The following PPP2R2D variants were observed in gnomAD, a reference collection of about 807,000 sequenced individuals.
PPP2R2D encodes protein phosphatase 2 regulatory subunit Bdelta.
PPP2R2D carries 9 observed loss-of-function variants against 31.1 expected under a neutral mutation model. That is an observed-to-expected ratio of 0.29 (90% CI 0.17 to 0.51). The LOEUF is 0.51. PPP2R2D is among the 20% of genes least tolerant of loss of function. The pLI is 0.98. For missense variants in PPP2R2D, 391 were observed against 465.6 expected (o/e 0.84, Z 1.48); for synonymous variants, 179 against 172.6 (o/e 1.04, Z -0.29).
At chr10:131,928,537 G>C (rs184795800) in intron 2 of PPP2R2D, among the ~76,000 whole-genome samples, 14 of 152,306 alleles carry the variant, frequency 9.2e-5, no homozygotes, top group Non-Finnish European at 1.5e-4. Context: ...GGTTTTTTCA[G>C]GCTGGTAATG....
intron 2 of PPP2R2D, among the ~76,000 whole-genome samples, chr10:131,931,475 G>A (rs1554895686): frequency 6.6e-6 from 1 of 152,190 alleles, no homozygotes; most frequent in East Asian, 1.9e-4. Flanking sequence ...AGCCTCCCGA[G>A]TAGCTGTGAT....
At chr10:131,904,446 C>G (rs929136401) in intron 2 of PPP2R2D, among the ~76,000 whole-genome samples, 128 of 143,396 alleles carry the variant, frequency 8.9e-4, no homozygotes, top group African/African-American at 3.2e-3. Context: ...GGAGGCAGAG[C>G]TTGCAGTGAG....
chr10:131,910,637 G>A (rs1264500803), intron 2 of PPP2R2D, among the ~76,000 whole-genome samples: 4 of 152,224 alleles, frequency 2.6e-5, no homozygotes, highest in Admixed American at 1.3e-4. Flanking sequence ...GTGTGATACT[G>A]TGGAATATGT....
intron 2 of PPP2R2D, among the ~76,000 whole-genome samples, chr10:131,914,571 C>A (rs1245309488): frequency 6.6e-6 from 1 of 152,152 alleles, no homozygotes; most frequent in South Asian, 2.1e-4. Flanking sequence ...AGTGATACAA[C>A]GTTGAAAACA....
chr10:131,918,037 G>A (rs112757183), intron 2 of PPP2R2D, among the ~76,000 whole-genome samples: 77 of 115,878 alleles, frequency 6.6e-4, no homozygotes, highest in African/African-American at 1.2e-3. Context: ...GACCTCAGGC[G>A]GGTGGGATGA....
chr10:131,961,258 C>G (rs1318244769), downstream of PPP2R2D, among the ~76,000 whole-genome samples: 1 of 152,218 alleles, frequency 6.6e-6, no homozygotes, highest in Admixed American at 6.5e-5. Context: ...CTGCCAAAGC[C>G]AAGTTCAGCA....
chr10:131,961,710 G>A (rs1042989806), downstream of PPP2R2D, among the ~76,000 whole-genome samples: 3 of 152,188 alleles, frequency 2.0e-5, no homozygotes, highest in African/African-American at 4.8e-5. Context: ...CTCACCTTCC[G>A]CCTTGTGTGC....
chr10:131,926,838 C>T (rs2036116318), intron 2 of PPP2R2D, among the ~76,000 whole-genome samples: 1 of 152,222 alleles, frequency 6.6e-6, no homozygotes, highest in Admixed American at 6.5e-5. Flanking sequence ...CTTGCCTCTG[C>T]CCAGCGTGTA....
At chr10:131,918,829 ACG>A (rs2035891872) in intron 2 of PPP2R2D, among the ~76,000 whole-genome samples, 1 of 139,728 alleles carries the variant, frequency 7.2e-6, no homozygotes, top group African/African-American at 2.7e-5. Context: ...TGGGGACCTC[ACG>A]GGGGTGGAAT....
intron 2 of PPP2R2D, among the ~76,000 whole-genome samples, chr10:131,920,922 A>G (rs1422565413): frequency 6.6e-6 from 1 of 152,152 alleles, no homozygotes; most frequent in African/African-American, 2.4e-5. Flanking sequence ...ACATAGCGAG[A>G]CCCTGTCTTT....
In PPP2R2D at chr10:131,955,803, G is replaced by A. The variant is rs782682369; in HGVS notation, c.1202G>A (p.Arg401Gln). 30 of 1,604,738 alleles carry A rather than the reference G, an allele frequency of 1.9e-5. No homozygotes were observed. In the South Asian group the frequency reaches 2.6e-4, roughly 14 times the overall value. Residue 401 changes from arginine (R) to glutamine (Q), a missense_variant, in exon 9 of 9, where the codon CGG (arginine) becomes CAG (glutamine). By Grantham distance (43) the Arg-to-Gln change is conservative (BLOSUM62 1). Around this residue, in one of 3 missense-constraint regions of PPP2R2D, gnomAD observed 163 missense variants for 179.5 expected, o/e 0.91. Transcript: ENST00000455566. ...AAACCGCGCGCCAGCCTCAAACCCC[G>A]GAAGGTGTGTACGGGGGGTAAGCGG... is the stretch of plus-strand genomic sequence containing the variant. ...SSKPRASLKP[R>Q]KVCTGGKRRK... is the part of the protein sequence containing the mutation.
intron 2 of PPP2R2D, among the ~76,000 whole-genome samples, chr10:131,905,643 C>T (rs1281041400): frequency 2.0e-5 from 3 of 152,202 alleles, no homozygotes; most frequent in Admixed American, 1.3e-4. Flanking sequence ...AATCTTCACA[C>T]CACCGAAGAA....
At chr10:131,926,794 C>T (rs781975732) in intron 2 of PPP2R2D, among the ~76,000 whole-genome samples, 1 of 152,224 alleles carries the variant, frequency 6.6e-6, no homozygotes, top group Non-Finnish European at 1.5e-5. Flanking sequence ...TGCCAGGTGC[C>T]GCAGAGCAGG....
chr10:131,956,015 T>C lies in PPP2R2D; in HGVS notation c.*52T>C. On this transcript the variant is annotated 3_prime_UTR_variant, in exon 9 of 9. Coordinates refer to ENST00000455566, the MANE Select transcript of PPP2R2D (RefSeq NM_018461.5). ...GTCTTGCATAGTTAAGCCGGACATT[T>C]TTCTGTCAGAGAAAAGGCATCATTG... 2.9e-6 allele frequency: 4 copies of C among 1,380,020 alleles called. No homozygotes were observed. Among genetic ancestry groups the C allele is most frequent in the Non-Finnish European group, 3.8e-6 (4 of 1,056,934 alleles). 85.5% of individuals were successfully genotyped at this position (1,380,020 alleles called of 1,614,324 possible). A position where few individuals can be genotyped will look rare whatever the true frequency, so the allele number is the denominator to read the frequency against.
chr10:131,904,822 C>T (rs1462456887), intron 2 of PPP2R2D, among the ~76,000 whole-genome samples: 2 of 152,150 alleles, frequency 1.3e-5, no homozygotes, highest in Non-Finnish European at 2.9e-5. Flanking sequence ...TAGGAGTAGG[C>T]ACTCCTGACT....
Position 131,947,490 on chromosome 10 carries a change from T to A in PPP2R2D, c.821-40T>A. The A allele has an allele frequency of 1.3e-6, 2 of 1,593,556 alleles. No homozygotes were observed. The highest frequency in any genetic ancestry group is 1.7e-6 in the Non-Finnish European group (2 of 1,168,698). On this transcript the variant is annotated intron_variant, in intron 7 of 8. Coordinates refer to ENST00000455566, the MANE Select transcript of PPP2R2D (RefSeq NM_018461.5). The surrounding 1 kb of genome is among the most constrained non-coding windows in gnomAD (Gnocchi z 4.3). ...ACTTGAAAATGATTTGTTCTCTGAT[T>A]TTTAAACAGAAGCTGAAAACATTTT...
At chr10:131,969,867 G>GTGTT in the PPP2R2D span, 2 of 152,444 alleles carry the variant, frequency 1.3e-5, no homozygotes, top group African/African-American at 4.8e-5. Flanking sequence ...CCTGGTCTCT[G>GTGTT]TGTTTTCTGC....
chr10:131,928,934 TAAAG>T (rs782473986), intron 2 of PPP2R2D, among the ~76,000 whole-genome samples: 1 of 152,100 alleles, frequency 6.6e-6, no homozygotes, highest in African/African-American at 2.4e-5. Flanking sequence ...ACATACCAGT[TAAAG>T]GAAGTAGTTA....
intron 5 of PPP2R2D, among the ~76,000 whole-genome samples, chr10:131,941,102 CA>C: frequency 6.6e-6 from 1 of 152,226 alleles, no homozygotes; most frequent in Middle Eastern, 3.4e-3. Context: ...GCCACAGGTA[CA>C]TTCAGGACGC....
Sources: allele counts gnomAD v4.1 joint callset (sites outside exome capture counted in the v4.1 genomes callset), GRCh38; gene constraint gnomAD v4.1.1; regional missense constraint gnomAD v4.1.1; non-coding constraint Gnocchi (gnomAD v3.1); transcripts MANE v1.5; gene names NCBI Gene and HGNC (gene_info 2026-07-23, HGNC 2026-07-21).